ORC4: variants seen among roughly 807,000 people sequenced by gnomAD.
The protein encoded by ORC4 is origin recognition complex, subunit 4 homolog.
ORC4 carries 55 observed loss-of-function variants against 63.9 expected under a neutral mutation model. That is an observed-to-expected ratio of 0.86 (90% CI 0.69 to 1.08). The LOEUF is 1.08. Ranked by LOEUF, ORC4 falls within the 50% of genes least tolerant of loss-of-function variation. The probability of loss-of-function intolerance (pLI) is 0.00; values close to 1 mark genes in which losing one functional copy is unlikely to be tolerated. For synonymous variants in ORC4, 150 were observed against 168.5 expected (o/e 0.89, Z 0.85); for missense variants, 511 against 504.4 (o/e 1.01, Z -0.13).
At chr2:148,014,720 C>T (rs1573905669) in intron 1 of ORC4, among the ~76,000 whole-genome samples, 1 of 151,966 alleles carries the variant, frequency 6.6e-6, no homozygotes, top group South Asian at 2.1e-4. Flanking sequence ...TTTAAAAAGC[C>T]ATGACAGTAT....
intron 1 of ORC4, among the ~76,000 whole-genome samples, chr2:148,008,655 C>T (rs1429459343): frequency 6.6e-6 from 1 of 152,210 alleles, no homozygotes; most frequent in Non-Finnish European, 1.5e-5. Context: ...TCTGCCCTGA[C>T]TCCCGCCAAA....
chr2:147,942,606 T>C (rs1250834733), intron 10 of ORC4, among the ~76,000 whole-genome samples: 1 of 152,092 alleles, frequency 6.6e-6, no homozygotes, highest in African/African-American at 2.4e-5. Context: ...AACCTGATAA[T>C]GAACATGTAT....
At chr2:147,959,349 T>C (rs1288164620) in intron 4 of ORC4, among the ~76,000 whole-genome samples, 2 of 144,564 alleles carry the variant, frequency 1.4e-5, no homozygotes, top group East Asian at 2.2e-4. Context: ...CTCTTCATAT[T>C]ACCAATGCAT....
At chr2:148,016,077 G>C (rs901077642) in intron 1 of ORC4, among the ~76,000 whole-genome samples, 5 of 152,130 alleles carry the variant, frequency 3.3e-5, no homozygotes, top group Non-Finnish European at 1.5e-5. Flanking sequence ...AAATTGAAAA[G>C]GTGAAAAAGC....
chr2:147,952,468 CA>C lies in ORC4; in HGVS notation c.492del (p.Phe164LeufsTer24). The C allele has an allele frequency of 6.2e-7, 1 of 1,611,394 alleles. No homozygotes were observed. Among genetic ancestry groups the C allele is most frequent in the Non-Finnish European group, 8.5e-7 (1 of 1,177,768 alleles). ...AGAAGTGTTTGGTTTTTATGATGAG[CA>C]AAAAGATCAAATTCATCTAATATGA... ...VIFILDEFDL[F>X]AHHKNQTLLY... On this transcript the variant is annotated frameshift_variant, in exon 8 of 14. Transcript: ENST00000392857. LOFTEE classifies it high-confidence loss of function.
At chr2:147,938,609 T>C in intron 11 of ORC4, 1 of 506,358 alleles carries the variant, frequency 2.0e-6, no homozygotes, top group Non-Finnish European at 3.5e-6. Flanking sequence ...AATAAGGATA[T>C]TTTTAAACTT....
At chr2:147,959,667 A>G (rs1689473925) in intron 4 of ORC4, among the ~76,000 whole-genome samples, 1 of 152,130 alleles carries the variant, frequency 6.6e-6, no homozygotes, top group Non-Finnish European at 1.5e-5. Flanking sequence ...AAAAGCAAAT[A>G]TGATCCTCAT....
rs113587119 is a variant in ORC4, at chr2:148,016,584, T to C, written c.-18+4049A>G. Among the ~76,000 whole-genome samples the C allele has an allele frequency of 1.1e-4, 17 of 152,252 alleles. 1 individual carries two copies. The highest frequency in any genetic ancestry group is 3.6e-4 in the African/African-American group (15 of 41,534). On this transcript the variant is annotated intron_variant, in intron 1 of 13. Coordinates refer to ENST00000392857, the MANE Select transcript of ORC4 (RefSeq NM_181741.4). ...ACCTGACCTCTCAACTGACTACCAC[T>C]CCTTCAAGCATCTCTACAACTTTTT...
chr2:147,973,357 A>C, intron 3 of ORC4, 91 bp downstream of exon 3: 1 of 823,462 alleles, frequency 1.2e-6, no homozygotes, highest in Admixed American at 1.8e-5. Flanking sequence ...TGTTAGCTTT[A>C]TTTAATATCA....
chr2:147,960,812 C>A (rs968600817), intron 4 of ORC4, among the ~76,000 whole-genome samples: 1 of 152,076 alleles, frequency 6.6e-6, no homozygotes, highest in Admixed American at 6.5e-5. Context: ...CTGCCTGAGC[C>A]CAGGAGGTTG....
At chr2:148,012,049 T>C (rs1242436832) in intron 1 of ORC4, among the ~76,000 whole-genome samples, 2 of 151,524 alleles carry the variant, frequency 1.3e-5, no homozygotes, top group Non-Finnish European at 2.9e-5. Flanking sequence ...TTCAAAGCCA[T>C]CCCTATCAAG....
chr2:147,956,046 C>A (rs1322492733), intron 6 of ORC4, among the ~76,000 whole-genome samples: 1 of 151,888 alleles, frequency 6.6e-6, no homozygotes, highest in Non-Finnish European at 1.5e-5. Flanking sequence ...ATGCATTATC[C>A]AGGTGCTCCA....
chr2:147,983,543 G>C (rs938363354), intron 1 of ORC4, among the ~76,000 whole-genome samples: 1 of 152,154 alleles, frequency 6.6e-6, no homozygotes, highest in Admixed American at 6.5e-5. Flanking sequence ...GGGGGTCATA[G>C]GGACCTTTAA....
intron 1 of ORC4, among the ~76,000 whole-genome samples, chr2:147,988,362 A>ATT (rs111917011): frequency 7.7e-5 from 11 of 143,414 alleles, no homozygotes; most frequent in South Asian, 2.2e-4. Flanking sequence ...GACTTACTGA[A>ATT]TTTTTTTTTT....
upstream of ORC4, chr2:148,021,227 T>TG (rs1693701295): frequency 7.9e-6 from 2 of 253,542 alleles, no homozygotes; most frequent in Non-Finnish European, 8.1e-6. Flanking sequence ...TTCAGGGGGG[T>TG]GGGGGGAAGG....
intron 1 of ORC4, among the ~76,000 whole-genome samples, chr2:148,009,377 G>A (rs904843388): frequency 3.3e-5 from 5 of 151,650 alleles, no homozygotes; most frequent in Admixed American, 6.6e-5. Flanking sequence ...ACAAAAAGAC[G>A]GAAAAAGATA....
Position 147,935,699 on chromosome 2 carries a change from CTGAAAGA to C in ORC4, c.1123-8_1123-2del. 1 of 1,611,250 alleles carries C rather than the reference CTGAAAGA, an allele frequency of 6.2e-7. No individual in the cohort carries two copies. Among genetic ancestry groups the C allele is most frequent in the African/African-American group, 1.3e-5 (1 of 74,906 alleles). ...CTAATTGCTGCAAGTGTTCAAAAGC[CTGAAAGA>C]TGAAAGAAATAGTTTAGGTTGAATA... On this transcript the variant is annotated splice_acceptor_variant and splice_polypyrimidine_tract_variant and intron_variant, in intron 13 of 13. Coordinates refer to ENST00000392857, the MANE Select transcript of ORC4 (RefSeq NM_181741.4). LOFTEE classifies it high-confidence loss of function.
Position 147,958,809 on chromosome 2 carries a change from A to T in ORC4, c.283T>A (p.Leu95Ile). 6.9e-7 allele frequency: 1 copy of T among 1,459,524 alleles called. No individual in the cohort carries two copies. The highest frequency in any genetic ancestry group is 1.4e-5 in the African/African-American group (1 of 72,050). 90.4% of individuals were successfully genotyped at this position (1,459,524 alleles called of 1,614,324 possible). Residue 95 changes from leucine (L) to isoleucine (I), a missense_variant, in exon 5 of 14, where the codon TTA becomes ATA. By Grantham distance (5) the Leu-to-Ile change is conservative. Transcript: ENST00000392857. ...MEIEEVSENV[L>I]QVHLNGLLQI... is the part of the protein sequence containing the mutation. ...TACTTACCATTTAAGTGAACTTGTA[A>T]TACATTTTCACTCACTTCTTCTATT...
chr2:148,012,094 A>T (rs992037826), intron 1 of ORC4, among the ~76,000 whole-genome samples: 2 of 152,152 alleles, frequency 1.3e-5, no homozygotes, highest in African/African-American at 4.8e-5. Flanking sequence ...AGAAAAAAAA[A>T]ATCCTAAAAT....
Sources: allele counts gnomAD v4.1 joint callset (sites outside exome capture counted in the v4.1 genomes callset), GRCh38; gene constraint gnomAD v4.1.1; transcripts MANE v1.5; gene names NCBI Gene and HGNC (gene_info 2026-07-23, HGNC 2026-07-21).